The following NEGR1 variants were observed in gnomAD, a reference collection of about 807,000 sequenced individuals.
NEGR1 encodes neuronal growth regulator 1, also known as IgLON family member 4.
NEGR1 carries 10 observed loss-of-function variants against 40.9 expected under a neutral mutation model. That is an observed-to-expected ratio of 0.24 (90% CI 0.15 to 0.42). The LOEUF (loss-of-function observed/expected upper bound fraction) is 0.42. Among genes scored for constraint, NEGR1 ranks in the 10% least tolerant of loss-of-function variants. The probability of loss-of-function intolerance (pLI) is 1.00; values close to 1 mark genes in which losing one functional copy is unlikely to be tolerated. For missense variants in NEGR1, 352 were observed against 438.9 expected, an observed-to-expected ratio of 0.80 and a Z score of 1.77; for synonymous variants, 185 against 166.8, an observed-to-expected ratio of 1.11 and a Z score of -0.84.
At chr1:72,062,578 A>T (rs994426610) in intron 1 of NEGR1, among the ~76,000 whole-genome samples, 7 of 152,008 alleles carry the variant, frequency 4.6e-5, no homozygotes, top group Admixed American at 4.6e-4. Context: ...AACTTTGAGG[A>T]CATACATATA....
At chr1:71,878,946 C>G (rs1660506929) in intron 2 of NEGR1, among the ~76,000 whole-genome samples, 1 of 151,866 alleles carries the variant, frequency 6.6e-6, no homozygotes, top group Non-Finnish European at 1.5e-5. Context: ...CCAGCCTGAC[C>G]AACATAGAGA....
In NEGR1 at chr1:71,502,779, C is replaced by T. The variant is rs556481431; in HGVS notation, c.940+90038G>A. Among the ~76,000 whole-genome samples, 5 of 152,298 alleles carry T rather than the reference C, an allele frequency of 3.3e-5. No homozygotes were observed. The South Asian group carries it at 8.3e-4, about 25-fold the overall frequency. Reference sequence around the variant, plus strand: ...AAGAAAATTGGACTATAAATTCAACCTTGGTGGTTGGGCATGTTCATAGGT... The same window carrying T: ...AAGAAAATTGGACTATAAATTCAACTTTGGTGGTTGGGCATGTTCATAGGT... On this transcript the variant is annotated intron_variant, in intron 6 of 6. Transcript: ENST00000357731.
chr1:71,928,404 G>A lies in NEGR1; in HGVS notation c.409+6675C>T, dbSNP rs62638217. 3.7e-4 allele frequency among the ~76,000 whole-genome samples: 19 copies of A among 51,294 alleles called. 1 individual carries two copies. Among genetic ancestry groups the A allele is most frequent in the East Asian group, 1.2e-3 (1 of 826 alleles). The allele number at this position is 51,294 out of a possible 152,430, so 33.7% of individuals were successfully genotyped here. ...TATATATACACACATATGTATATAT[G>A]TGTATGTATATATACACACATATGT... On this transcript the variant is annotated intron_variant, in intron 2 of 6. Coordinates refer to ENST00000357731, the MANE Select transcript of NEGR1 (RefSeq NM_173808.3).
chr1:72,173,729 TGAG>T (rs1652051279), intron 1 of NEGR1, among the ~76,000 whole-genome samples: 1 of 151,990 alleles, frequency 6.6e-6, no homozygotes, highest in Admixed American at 6.6e-5. Context: ...TCACCTGAGG[TGAG>T]GAGTTCGAGA....
chr1:72,211,587 C>T (rs1486310250), intron 1 of NEGR1, among the ~76,000 whole-genome samples: 9 of 150,602 alleles, frequency 6.0e-5, no homozygotes, highest in Non-Finnish European at 8.9e-5. Context: ...AAATGTAGGA[C>T]AATGGCATTC....
At chr1:72,128,974 T>TA (rs1650137243) in intron 1 of NEGR1, among the ~76,000 whole-genome samples, 1 of 152,102 alleles carries the variant, frequency 6.6e-6, no homozygotes, top group East Asian at 1.9e-4. Context: ...GATTCAGACT[T>TA]ACACCACCAA....
chr1:72,005,629 C>T (rs1052915755), intron 1 of NEGR1, among the ~76,000 whole-genome samples: 8 of 152,094 alleles, frequency 5.3e-5, no homozygotes, highest in Non-Finnish European at 8.8e-5. Context: ...GCTGAGTTAG[C>T]TCTCCAAATC....
chr1:72,073,123 A>G (rs987314259), intron 1 of NEGR1, among the ~76,000 whole-genome samples: 3 of 152,080 alleles, frequency 2.0e-5, no homozygotes, highest in African/African-American at 7.2e-5. Context: ...CAGTCCAAAG[A>G]AGACCTTAAG....
intron 1 of NEGR1, among the ~76,000 whole-genome samples, chr1:72,227,123 T>C (rs553596191): frequency 1.1e-3 from 161 of 152,226 alleles, no homozygotes; most frequent in African/African-American, 3.6e-3. Flanking sequence ...TTGCATTTAA[T>C]GTCTTTGAAT....
chr1:71,734,950 C>T (rs1372237725), intron 3 of NEGR1, among the ~76,000 whole-genome samples: 1 of 151,944 alleles, frequency 6.6e-6, no homozygotes, highest in African/African-American at 2.4e-5. Context: ...CAGTCATTTC[C>T]CCAAGGCTCT....
chr1:72,005,325 C>T (rs1381840826), intron 1 of NEGR1, among the ~76,000 whole-genome samples: 3 of 152,042 alleles, frequency 2.0e-5, no homozygotes, highest in African/African-American at 7.2e-5. Context: ...TAACGCCACG[C>T]TATATATAAA....
chr1:71,750,792 A>C (rs1372682517), intron 3 of NEGR1, among the ~76,000 whole-genome samples: 1 of 152,142 alleles, frequency 6.6e-6, no homozygotes, highest in African/African-American at 2.4e-5. Context: ...TATTTTTAAG[A>C]AGCTTTTTTA....
chr1:71,810,075 A>G (rs905806963), intron 2 of NEGR1, among the ~76,000 whole-genome samples: 2 of 152,128 alleles, frequency 1.3e-5, no homozygotes, highest in South Asian at 2.1e-4. Context: ...AGGAAATAAT[A>G]TATTATCATT....
chr1:71,925,620 G>C (rs540446727), intron 2 of NEGR1, among the ~76,000 whole-genome samples: 5 of 151,960 alleles, frequency 3.3e-5, no homozygotes, highest in East Asian at 3.9e-4. Context: ...TGTTATCTTT[G>C]CTTTACATAA....
At chr1:72,253,796 G>A (rs1038455443) in intron 1 of NEGR1, among the ~76,000 whole-genome samples, 1 of 152,174 alleles carries the variant, frequency 6.6e-6, no homozygotes, top group Admixed American at 6.5e-5. Context: ...ATTAGCAATA[G>A]TGCATCAATG....
At chr1:72,208,254 T>C (rs1278131282) in intron 1 of NEGR1, among the ~76,000 whole-genome samples, 1 of 151,732 alleles carries the variant, frequency 6.6e-6, no homozygotes, top group Non-Finnish European at 1.5e-5. Context: ...GTGATATAAA[T>C]TTCAAAAATC....
intron 1 of NEGR1, among the ~76,000 whole-genome samples, chr1:72,114,312 G>T (rs989592032): frequency 3.3e-5 from 5 of 151,404 alleles, no homozygotes; most frequent in African/African-American, 1.2e-4. Context: ...CCACACCTCT[G>T]CCCAGCCCAA....
chr1:71,774,252 G>A (rs930578751), intron 3 of NEGR1, among the ~76,000 whole-genome samples: 1 of 152,126 alleles, frequency 6.6e-6, no homozygotes, highest in Non-Finnish European at 1.5e-5. Flanking sequence ...TGTCTTAAGA[G>A]CACATGTGTA....
chr1:71,720,662 AT>A (rs879261060), intron 3 of NEGR1, among the ~76,000 whole-genome samples: 39 of 152,002 alleles, frequency 2.6e-4, no homozygotes, highest in Non-Finnish European at 5.3e-4. Context: ...AACAGGCATG[AT>A]TTTTTTTCTT....
Sources: allele counts gnomAD v4.1 joint callset (sites outside exome capture counted in the v4.1 genomes callset), GRCh38; gene constraint gnomAD v4.1.1; transcripts MANE v1.5; gene names NCBI Gene and HGNC (gene_info 2026-07-23, HGNC 2026-07-21).